Variants in ODAD2 observed in about 807,000 individuals in gnomAD.
ODAD2 encodes outer dynein arm docking complex subunit 2, also known as outer dynein arm-docking complex subunit 2.
Under a neutral mutation model 106.8 loss-of-function variants are expected in ODAD2, and 89 were observed. The observed-to-expected ratio is 0.83, with a 90% CI of 0.70 to 0.99. The LOEUF (loss-of-function observed/expected upper bound fraction) is 0.99. Among genes scored for constraint, ODAD2 ranks in the 50% least tolerant of loss-of-function variants. The pLI, the probability that ODAD2 is intolerant of heterozygous loss-of-function variation, is 0.00. For missense variants in ODAD2, 1,168 were observed against 1,238.5 expected (o/e 0.94, Z 0.85); for synonymous variants, 404 against 436.2 (o/e 0.93, Z 0.92).
chr10:27,992,830 C>T (rs1365834084), intron 2 of ODAD2, among the ~76,000 whole-genome samples: 2 of 152,126 alleles, frequency 1.3e-5, no homozygotes, highest in African/African-American at 2.4e-5. Context: ...GATGTGATCA[C>T]GTTTGTGCTT....
At chr10:27,926,602 T>A (rs986714625) in intron 16 of ODAD2, among the ~76,000 whole-genome samples, 1 of 152,158 alleles carries the variant, frequency 6.6e-6, no homozygotes, top group Admixed American at 6.5e-5. Context: ...GTAAAGGGCA[T>A]GGGAATTCTG....
chr10:27,880,065 C>T (rs937792209), intron 17 of ODAD2, among the ~76,000 whole-genome samples: 2 of 152,160 alleles, frequency 1.3e-5, no homozygotes, highest in African/African-American at 4.8e-5. Flanking sequence ...GTGTGGCAAA[C>T]TCCATGAGCT....
chr10:27,971,007 TAAACAAAC>T lies in ODAD2; in HGVS notation c.1142+93_1142+100del, dbSNP rs139300652. 0.21 allele frequency: 84,461 copies of T among 403,322 alleles called. 9,053 individuals carry two copies. Among genetic ancestry groups the T allele is most frequent in the Non-Finnish European group, 0.23 (58,677 of 260,058 alleles). 25.0% of individuals were successfully genotyped at this position (403,322 alleles called of 1,614,324 possible). The stretch of plus-strand genomic sequence containing the variant: ...ATAAATAAATAAATAAATAAATAAA[TAAACAAAC>T]AAACAAAATAAAATAAAATAAAGTT... On this transcript the variant is annotated intron_variant, in intron 8 of 19. Transcript: ENST00000305242.
intron 19 of ODAD2, among the ~76,000 whole-genome samples, chr10:27,823,872 G>A (rs1000223129): frequency 8.6e-6 from 1 of 116,366 alleles, no homozygotes; most frequent in Non-Finnish European, 1.6e-5. Context: ...CGGGCGCGGT[G>A]GCTCACGCCT....
intron 16 of ODAD2, among the ~76,000 whole-genome samples, chr10:27,922,205 AAAC>A (rs1844847437): frequency 6.6e-6 from 1 of 151,726 alleles, no homozygotes; most frequent in African/African-American, 2.4e-5. Flanking sequence ...AAAGAAAAGA[AAAC>A]AACAACAATA....
At chr10:27,982,293 G>C (rs1395692359) in intron 6 of ODAD2, among the ~76,000 whole-genome samples, 1 of 151,846 alleles carries the variant, frequency 6.6e-6, no homozygotes, top group African/African-American at 2.4e-5. Flanking sequence ...TTTAAACTTT[G>C]TTGTAATTAT....
At chr10:27,947,281 A>G (rs554714686) in intron 10 of ODAD2, among the ~76,000 whole-genome samples, 1 of 152,284 alleles carries the variant, frequency 6.6e-6, no homozygotes, top group South Asian at 2.1e-4. Flanking sequence ...TAAAAAAACA[A>G]AAGTCAGATA....
intron 9 of ODAD2, among the ~76,000 whole-genome samples, chr10:27,962,726 G>T (rs1369296345): frequency 6.6e-6 from 1 of 152,046 alleles, no homozygotes; most frequent in Non-Finnish European, 1.5e-5. Context: ...CCCTGCAGAG[G>T]TCCCTCATGC....
chr10:27,860,693 G>C lies in ODAD2; in HGVS notation c.2953C>G (p.Gln985Glu), dbSNP rs1235671447. The C allele has an allele frequency of 6.2e-7, 1 of 1,614,134 alleles. No individual in the cohort carries two copies. Among genetic ancestry groups the C allele is most frequent in the Non-Finnish European group, 8.5e-7 (1 of 1,180,014 alleles). ...TCTTCTGAGAGTTGGTACAAGGCCT[G>C]AGCTGTCGCCCGATGCACGTTGGTG... ...NDTNVHRATA[Q>E]ALYQLSEDAD... Residue 985 changes from glutamine to glutamate, a missense_variant, in exon 19 of 20, where the codon CAG becomes GAG. Coordinates refer to ENST00000305242, the MANE Select transcript of ODAD2 (RefSeq NM_018076.5).
chr10:27,980,060 T>A (rs1028040588), intron 7 of ODAD2, among the ~76,000 whole-genome samples: 1 of 152,200 alleles, frequency 6.6e-6, no homozygotes, highest in African/African-American at 2.4e-5. Context: ...ACAAGAATGC[T>A]GAGACCATCC....
intron 17 of ODAD2, among the ~76,000 whole-genome samples, chr10:27,880,507 C>T (rs1308071190): frequency 6.6e-6 from 1 of 152,106 alleles, no homozygotes; most frequent in Admixed American, 6.5e-5. Flanking sequence ...TTTATGTCCC[C>T]TCAAAATTCA....
chr10:27,853,917 C>A (rs577454699), intron 19 of ODAD2, among the ~76,000 whole-genome samples: 28 of 152,250 alleles, frequency 1.8e-4, no homozygotes, highest in Admixed American at 9.2e-4. Flanking sequence ...GCGTTAAAAA[C>A]TTCTGCTCTT....
intron 16 of ODAD2, among the ~76,000 whole-genome samples, chr10:27,925,777 A>G (rs1845211920): frequency 1.3e-5 from 2 of 152,246 alleles, no homozygotes; most frequent in South Asian, 4.1e-4. Context: ...CACTAAAATT[A>G]TGAACAAGAC....
At chr10:27,847,786 CAGAG>C (rs951397839) in intron 19 of ODAD2, among the ~76,000 whole-genome samples, 5 of 151,988 alleles carry the variant, frequency 3.3e-5, no homozygotes, top group Non-Finnish European at 4.4e-5. Context: ...AACAGACAAA[CAGAG>C]AGCCAAATCA....
intron 16 of ODAD2, among the ~76,000 whole-genome samples, chr10:27,917,084 C>T (rs556680130): frequency 1.1e-4 from 16 of 152,280 alleles, no homozygotes; most frequent in African/African-American, 3.1e-4. Flanking sequence ...CTGCAGAATA[C>T]ACAGTTTTCT....
At chr10:27,873,122 G>T (rs1057513027) in intron 17 of ODAD2, among the ~76,000 whole-genome samples, 1 of 151,014 alleles carries the variant, frequency 6.6e-6, no homozygotes, top group African/African-American at 2.4e-5. Context: ...ATTTCTTCTA[G>T]ATTTTCTAGT....
chr10:27,812,588 A>G lies in ODAD2; in HGVS notation c.3059T>C (p.Leu1020Pro). The G allele has an allele frequency of 6.2e-7, 1 of 1,613,084 alleles. No individual in the cohort carries two copies. The highest frequency in any genetic ancestry group is 8.5e-7 in the Non-Finnish European group (1 of 1,179,796). The change falls in exon 20 of 20, where the codon CTC becomes CCC. Residue 1020 changes from leucine (L) to proline (P), a missense_variant. Coordinates refer to ENST00000305242, the MANE Select transcript of ODAD2 (RefSeq NM_018076.5). ...LDMVGSPDQD[L>P]QEAAAGCISN... is the part of the protein sequence containing the mutation. ...TATACAACCAGCTGCAGCTTCCTGGAGATCCTGGTCAGGGGACCCAACCAT... is the reference window on the plus strand; with the variant it reads ...TATACAACCAGCTGCAGCTTCCTGGGGATCCTGGTCAGGGGACCCAACCAT...
At chr10:27,986,350 T>C (rs1849874342) in intron 3 of ODAD2, among the ~76,000 whole-genome samples, 1 of 152,190 alleles carries the variant, frequency 6.6e-6, no homozygotes, top group Admixed American at 6.5e-5. Flanking sequence ...CTTGCAGAAA[T>C]GGCAAAATGT....
chr10:27,974,565 C>T (rs1385741419), intron 7 of ODAD2, among the ~76,000 whole-genome samples: 1 of 151,978 alleles, frequency 6.6e-6, no homozygotes, highest in East Asian at 1.9e-4. Flanking sequence ...TCTGGGCTCT[C>T]TATTCTGTTT....
Sources: allele counts gnomAD v4.1 joint callset (sites outside exome capture counted in the v4.1 genomes callset), GRCh38; gene constraint gnomAD v4.1.1; transcripts MANE v1.5; gene names NCBI Gene and HGNC (gene_info 2026-07-23, HGNC 2026-07-21).